Variants in SYNPR observed in about 807,000 individuals in gnomAD.
The protein encoded by SYNPR is synaptoporin.
Under a neutral mutation model 32.9 loss-of-function variants are expected in SYNPR, and 23 were observed. The ratio of observed to expected loss-of-function variants is 0.70; its 90% CI spans 0.50 to 0.99. SYNPR has a LOEUF of 0.99. Among genes scored for constraint, SYNPR ranks in the 50% least tolerant of loss-of-function variants. SYNPR has a pLI of 0.00. For synonymous variants in SYNPR, 146 were observed against 135.9 expected (o/e 1.07, Z -0.52); for missense variants, 318 against 349.3 (o/e 0.91, Z 0.71).
chr3:63,363,241 C>T (rs2087685197), intron 2 of SYNPR, among the ~76,000 whole-genome samples: 1 of 152,110 alleles, frequency 6.6e-6, no homozygotes, highest in African/African-American at 2.4e-5. Flanking sequence ...ATGTTATCAG[C>T]CTTTTAAATT....
chr3:63,476,543 G>A (rs990410991), intron 2 of SYNPR, among the ~76,000 whole-genome samples: 6 of 152,170 alleles, frequency 3.9e-5, no homozygotes, highest in Non-Finnish European at 8.8e-5. Flanking sequence ...AGCACCCATG[G>A]TGCATTTCTG....
chr3:63,558,969 A>G (rs1702638075), intron 4 of SYNPR, among the ~76,000 whole-genome samples: 1 of 152,124 alleles, frequency 6.6e-6, no homozygotes. Flanking sequence ...CTTGTTAATT[A>G]TAAGATAATA....
At chr3:63,319,943 G>A (rs1179778590) in intron 2 of SYNPR, among the ~76,000 whole-genome samples, 1 of 151,926 alleles carries the variant, frequency 6.6e-6, no homozygotes, top group Non-Finnish European at 1.5e-5. Context: ...ATTTAGATAT[G>A]TATCTATTTT....
intron 2 of SYNPR, among the ~76,000 whole-genome samples, chr3:63,350,785 T>C (rs995041979): frequency 3.9e-5 from 6 of 152,182 alleles, no homozygotes; most frequent in African/African-American, 1.2e-4. Flanking sequence ...AAACATGCTG[T>C]AGCAAACTGG....
intron 5 of SYNPR, among the ~76,000 whole-genome samples, chr3:63,614,895 C>G (rs892768440): frequency 6.6e-6 from 1 of 152,182 alleles, no homozygotes; most frequent in Non-Finnish European, 1.5e-5. Flanking sequence ...GTTTGGATCA[C>G]AGATCTACTA....
intron 2 of SYNPR, among the ~76,000 whole-genome samples, chr3:63,377,825 G>T (rs1488344588): frequency 6.6e-6 from 1 of 151,906 alleles, no homozygotes; most frequent in Non-Finnish European, 1.5e-5. Context: ...GAAATTAGGA[G>T]AGTATAGGAA....
chr3:63,411,559 G>C (rs1187422452), intron 2 of SYNPR, among the ~76,000 whole-genome samples: 4 of 152,172 alleles, frequency 2.6e-5, no homozygotes, highest in African/African-American at 9.6e-5. Flanking sequence ...TGGGAGGTCA[G>C]AGATGCCTTC....
chr3:63,355,839 T>A (rs2087569980), intron 2 of SYNPR, among the ~76,000 whole-genome samples: 1 of 152,220 alleles, frequency 6.6e-6, no homozygotes, highest in African/African-American at 2.4e-5. Context: ...GGAAAATAAC[T>A]TATCAGTTCC....
chr3:63,583,529 T>C (rs548061514), intron 4 of SYNPR, among the ~76,000 whole-genome samples: 141 of 152,242 alleles, frequency 9.3e-4, no homozygotes, highest in African/African-American at 3.1e-3. Context: ...GAAAATTTTA[T>C]AATGAGTTAG....
At chr3:63,519,871 CA>C (rs1351163715) in intron 3 of SYNPR, among the ~76,000 whole-genome samples, 1 of 151,766 alleles carries the variant, frequency 6.6e-6, no homozygotes, top group Non-Finnish European at 1.5e-5. Context: ...CTCTGATAAC[CA>C]AAAAAGAAAG....
intron 2 of SYNPR, among the ~76,000 whole-genome samples, chr3:63,411,310 G>T (rs1169698425): frequency 1.3e-5 from 2 of 152,046 alleles, no homozygotes; most frequent in African/African-American, 4.8e-5. Flanking sequence ...TGTTTCTGCT[G>T]GCCTATGTCC....
chr3:63,489,643 G>A (rs1701220926), intron 3 of SYNPR, among the ~76,000 whole-genome samples: 1 of 152,148 alleles, frequency 6.6e-6, no homozygotes, highest in South Asian at 2.1e-4. Flanking sequence ...AGACACGACT[G>A]CTTCCCTCAC....
intron 2 of SYNPR, among the ~76,000 whole-genome samples, chr3:63,436,418 T>C (rs1223093546): frequency 6.8e-6 from 1 of 147,482 alleles, no homozygotes; most frequent in East Asian, 2.1e-4. Flanking sequence ...CACCTATGAG[T>C]GAGAACATGT....
intron 2 of SYNPR, among the ~76,000 whole-genome samples, chr3:63,434,327 T>G (rs1465313198): frequency 6.6e-6 from 1 of 152,262 alleles, no homozygotes; most frequent in Non-Finnish European, 1.5e-5. Context: ...ACATTTCACT[T>G]GTGTCATTGT....
intron 2 of SYNPR, among the ~76,000 whole-genome samples, chr3:63,304,655 C>G (rs2086891794): frequency 6.6e-6 from 1 of 151,912 alleles, no homozygotes; most frequent in African/African-American, 2.4e-5. Context: ...AATTTTCTTT[C>G]TCTTGGGACT....
intron 2 of SYNPR, among the ~76,000 whole-genome samples, chr3:63,412,029 A>G (rs192254985): frequency 4.6e-5 from 7 of 152,270 alleles, no homozygotes; most frequent in Admixed American, 3.9e-4. Context: ...ATCAGGATAC[A>G]GAACTGGCAG....
intron 3 of SYNPR, among the ~76,000 whole-genome samples, chr3:63,556,332 T>C (rs1259588655): frequency 6.6e-6 from 1 of 152,204 alleles, no homozygotes; most frequent in Non-Finnish European, 1.5e-5. Context: ...TGACTAGCTG[T>C]TATGATAACC....
chr3:63,343,976 C>T (rs964619792), intron 2 of SYNPR, among the ~76,000 whole-genome samples: 4 of 152,224 alleles, frequency 2.6e-5, no homozygotes, highest in African/African-American at 9.7e-5. Context: ...GCAGCCAAAC[C>T]CCCGAGTGAA....
intron 3 of SYNPR, among the ~76,000 whole-genome samples, chr3:63,532,341 G>A (rs1324673990): frequency 6.6e-6 from 1 of 152,108 alleles, no homozygotes; most frequent in African/African-American, 2.4e-5. Context: ...CATGAAAGAA[G>A]CATTTCACAC....
Sources: allele counts gnomAD v4.1 joint callset (sites outside exome capture counted in the v4.1 genomes callset), GRCh38; gene constraint gnomAD v4.1.1; transcripts MANE v1.5; gene names NCBI Gene and HGNC (gene_info 2026-07-23, HGNC 2026-07-21).